FBXO47: variants seen among roughly 807,000 people sequenced by gnomAD.
FBXO47 encodes F-box only protein 47.
A neutral mutation model predicts 53.9 loss-of-function variants in FBXO47; 34 were observed. The ratio of observed to expected loss-of-function variants is 0.63; its 90% confidence interval spans 0.48 to 0.84. The LOEUF (loss-of-function observed/expected upper bound fraction) is 0.84, where lower values mean the gene tolerates loss of function less well. Ranked by LOEUF, FBXO47 falls within the 40% of genes least tolerant of loss-of-function variation. The pLI, the probability that FBXO47 is intolerant of heterozygous loss-of-function variation, is 0.00. For synonymous variants in FBXO47, 165 were observed against 181.6 expected, an observed-to-expected ratio of 0.91 and a Z score of 0.73; for missense variants, 485 against 541.3, an observed-to-expected ratio of 0.90 and a Z score of 1.03.
chr17:38,947,104 A>G (rs1323120535), intron 6 of FBXO47, among the ~76,000 whole-genome samples: 2 of 93,746 alleles, frequency 2.1e-5, no homozygotes, highest in Non-Finnish European at 5.4e-5. Flanking sequence ...ACATATATAT[A>G]AACATATATA....
intron 6 of FBXO47, among the ~76,000 whole-genome samples, chr17:38,946,973 T>C (rs1275348101): frequency 5.4e-5 from 6 of 110,904 alleles, no homozygotes; most frequent in East Asian, 3.0e-4. Flanking sequence ...CATATATAAA[T>C]ATATGTAAAT....
chr17:38,947,724 A>G (rs1905013334), intron 6 of FBXO47, among the ~76,000 whole-genome samples: 1 of 152,112 alleles, frequency 6.6e-6, no homozygotes, highest in African/African-American at 2.4e-5. Context: ...CCTGGCTAAC[A>G]TGGTGAAATC....
chr17:38,946,153 TA>T (rs1259192280), intron 6 of FBXO47, among the ~76,000 whole-genome samples: 4 of 116,308 alleles, frequency 3.4e-5, no homozygotes, highest in East Asian at 2.5e-4. Context: ...TATAAATACA[TA>T]AAAATATATA....
At chr17:38,955,320 G>A (rs895833460) in intron 4 of FBXO47, among the ~76,000 whole-genome samples, 3 of 151,138 alleles carry the variant, frequency 2.0e-5, no homozygotes, top group South Asian at 2.1e-4. Flanking sequence ...CCCAGGAGGC[G>A]GAGCTGGCAG....
intron 10 of FBXO47, among the ~76,000 whole-genome samples, chr17:38,937,774 T>G (rs1284493975): frequency 6.6e-6 from 1 of 152,046 alleles, no homozygotes; most frequent in Non-Finnish European, 1.5e-5. Flanking sequence ...TTCAAGCGAT[T>G]CTCCTGCCTC....
chr17:38,962,201 T>G (rs1165595267), intron 2 of FBXO47, among the ~76,000 whole-genome samples, 154 bp from the exon 3 acceptor site: 1 of 152,208 alleles, frequency 6.6e-6, no homozygotes, highest in East Asian at 1.9e-4. Flanking sequence ...TAAAATTGTT[T>G]AAAATCTGGT....
At chr17:38,961,785 C>A in intron 3 of FBXO47, 92 bp downstream of exon 3, 3 of 1,112,016 alleles carry the variant, frequency 2.7e-6, no homozygotes, top group Non-Finnish European at 3.9e-6. Flanking sequence ...GGAATATATT[C>A]CATTTCCTAC....
At chr17:38,955,999 G>A (rs1905535476) in intron 4 of FBXO47, among the ~76,000 whole-genome samples, 1 of 150,466 alleles carries the variant, frequency 6.6e-6, no homozygotes, top group East Asian at 1.9e-4. Flanking sequence ...AGCCGAGTGT[G>A]GTGGCACACG....
At chr17:38,938,014 T>G (rs1400634669) in intron 10 of FBXO47, among the ~76,000 whole-genome samples, 3 of 152,204 alleles carry the variant, frequency 2.0e-5, no homozygotes, top group Non-Finnish European at 4.4e-5. Flanking sequence ...GTGACTTTAC[T>G]AAGTCAAGTT....
intron 1 of FBXO47, among the ~76,000 whole-genome samples, chr17:38,965,238 GTATACA>G (rs534076744): frequency 2.0e-5 from 3 of 152,160 alleles, no homozygotes; most frequent in Admixed American, 6.6e-5. Context: ...TGTCTTTTGT[GTATACA>G]TATACATATA....
At chr17:38,946,137 T>TAAATATATAAATACATAA (rs1401281055) in intron 6 of FBXO47, among the ~76,000 whole-genome samples, 4 of 121,782 alleles carry the variant, frequency 3.3e-5, no homozygotes, top group African/African-American at 9.7e-5. Flanking sequence ...TATACATATA[T>TAAATATATAAATACATAA]AAATATATAA....
In FBXO47 at chr17:38,962,992, T is replaced by A. The variant is rs147185386; in HGVS notation, c.34A>T (p.Ile12Phe). The change falls in exon 2 of 11, where the codon ATT (isoleucine) becomes TTT (phenylalanine). Residue 12 changes from isoleucine (I) to phenylalanine (F), a missense_variant. Ile to Phe is a conservative substitution (Grantham distance 21). Coordinates refer to ENST00000378079, the MANE Select transcript of FBXO47 (RefSeq NM_001008777.3). ...CTACGTCTAAGTTTCTGGTTGGGAA[T>A]CAAAGTGAAATTTGTATTTATTCTG... ...ASRINTNFTLIPNQKLRRSNR... is the reference protein window; with the variant it reads ...ASRINTNFTLFPNQKLRRSNR... 18 of 1,611,858 alleles carry A rather than the reference T, an allele frequency of 1.1e-5. No individual in the cohort carries two copies. In the African/African-American group the frequency reaches 2.0e-4, roughly 18 times the overall value.
intron 6 of FBXO47, among the ~76,000 whole-genome samples, chr17:38,947,630 C>T (rs1016060440): frequency 1.1e-4 from 17 of 152,178 alleles, no homozygotes; most frequent in Non-Finnish European, 2.1e-4. Context: ...AGATTAACGG[C>T]CAGGCGTGGT....
intron 3 of FBXO47, among the ~76,000 whole-genome samples, chr17:38,959,852 C>T (rs1421723204): frequency 6.6e-6 from 1 of 151,972 alleles, no homozygotes; most frequent in African/African-American, 2.4e-5. Flanking sequence ...TGGCAATACA[C>T]TGTTAACATT....
chr17:38,937,879 A>G (rs1733803), intron 10 of FBXO47, among the ~76,000 whole-genome samples: 46,437 of 151,858 alleles, frequency 0.31, 7,926 homozygotes, highest in South Asian at 0.41. Context: ...CGTGTTAGCC[A>G]GGATGGTCTC....
chr17:38,940,107 G>A (rs150900153), intron 9 of FBXO47, among the ~76,000 whole-genome samples: 3 of 152,092 alleles, frequency 2.0e-5, no homozygotes, highest in Admixed American at 1.3e-4. Context: ...TATTTATTAT[G>A]TGTAAAGCAC....
chr17:38,966,595 T>G (rs374207013), intron 1 of FBXO47, among the ~76,000 whole-genome samples: 4 of 152,186 alleles, frequency 2.6e-5, no homozygotes, highest in African/African-American at 7.2e-5. Context: ...CAGTGGGGCT[T>G]GGGCCCGTGG....
chr17:38,937,098 A>AT lies in FBXO47; in HGVS notation c.*76dup. Reference sequence around the variant, plus strand: ...GATGATAAAAAGTCCCATGGATGCTATTTTTTGAGTGAAAAAGTAGCACTC... The same window carrying AT: ...GATGATAAAAAGTCCCATGGATGCTATTTTTTTGAGTGAAAAAGTAGCACTC... On this transcript the variant is annotated 3_prime_UTR_variant, in exon 11 of 11. Coordinates refer to ENST00000378079, the MANE Select transcript of FBXO47 (RefSeq NM_001008777.3). The AT allele has an allele frequency of 1.7e-6, 1 of 575,780 alleles. No individual in the cohort carries two copies. The allele number at this position is 575,780 out of a possible 1,614,324, so 35.7% of individuals were successfully genotyped here.
At chr17:38,946,307 AATATATAAATATATATAAATATAT>A (rs1177391894) in intron 6 of FBXO47, among the ~76,000 whole-genome samples, 8 of 45,024 alleles carry the variant, frequency 1.8e-4, no homozygotes, top group African/African-American at 5.0e-4. Flanking sequence ...AATATATATA[AATATATAAATATATATAAATATAT>A]AAATATATAT....
Sources: gnomAD v4.1 joint callset for allele counts (sites outside exome capture counted in the v4.1 genomes callset) on GRCh38, gnomAD v4.1.1 for gene constraint, MANE v1.5 for transcripts, NCBI Gene and HGNC (gene_info 2026-07-23, HGNC 2026-07-21) for gene names.